Variants in CSN3 observed in about 807,000 individuals in gnomAD.
CSN3 encodes the protein kappa-casein.
In CSN3, 7 loss-of-function variants were observed where a neutral mutation model predicts 9.9. The ratio of observed to expected loss-of-function variants is 0.71; its 90% CI spans 0.40 to 1.33. CSN3 has a LOEUF of 1.33. CSN3 is among the 40% of genes most tolerant of loss of function. The pLI, the probability that CSN3 is intolerant of heterozygous loss-of-function variation, is 0.01. For missense variants in CSN3, 253 were observed against 227.9 expected (o/e 1.11, Z -0.71); for synonymous variants, 88 against 82.3 (o/e 1.07, Z -0.37).
chr4:70,238,456 G>C (rs1011515730), upstream of CSN3, among the ~76,000 whole-genome samples: 2 of 151,826 alleles, frequency 1.3e-5, no homozygotes, highest in African/African-American at 2.4e-5. Context: ...AGAAGTTAAG[G>C]TAAGATGGAT....
intron 4 of CSN3, among the ~76,000 whole-genome samples, chr4:70,249,916 T>C (rs908391195): frequency 6.6e-6 from 1 of 152,228 alleles, no homozygotes; most frequent in Non-Finnish European, 1.5e-5. Flanking sequence ...GTAACAATTC[T>C]CTTGCACTCT....
chr4:70,246,845 T>C (rs1730387793), intron 2 of CSN3, among the ~76,000 whole-genome samples: 2 of 151,984 alleles, frequency 1.3e-5, no homozygotes, highest in South Asian at 4.2e-4. Flanking sequence ...CTAATTTTTG[T>C]ATTTTTAGTA....
At chr4:70,250,662 T>A (rs1730465535) in intron 4 of CSN3, among the ~76,000 whole-genome samples, 1 of 152,194 alleles carries the variant, frequency 6.6e-6, no homozygotes, top group Non-Finnish European at 1.5e-5. Context: ...ATATTATTCC[T>A]ATCTCAAATT....
upstream of CSN3, among the ~76,000 whole-genome samples, chr4:70,239,218 G>T (rs58378749): frequency 6.6e-6 from 1 of 151,330 alleles, no homozygotes; most frequent in African/African-American, 2.4e-5. Flanking sequence ...AGTGACTCGA[G>T]GGGGAAAAAA....
chr4:70,250,490 A>G (rs1421230244), intron 4 of CSN3, among the ~76,000 whole-genome samples: 1 of 152,094 alleles, frequency 6.6e-6, no homozygotes, highest in Non-Finnish European at 1.5e-5. Flanking sequence ...GACTCAAGAG[A>G]GAATGCACAT....
At chr4:70,247,766 T>C (rs1049005921) in intron 2 of CSN3, 52 bp from the exon 3 acceptor site, 60 of 1,461,650 alleles carry the variant, frequency 4.1e-5, no homozygotes, top group East Asian at 1.6e-4. Context: ...TAAGTACTTT[T>C]TTTTTCTTTT....
At chr4:70,240,657 C>T (rs1730256236), upstream of CSN3, among the ~76,000 whole-genome samples, 1 of 151,982 alleles carries the variant, frequency 6.6e-6, no homozygotes, top group African/African-American at 2.4e-5. Flanking sequence ...AAAACACTTT[C>T]ACTAAGGTTG....
chr4:70,248,245 C>T (rs567054071), intron 3 of CSN3, among the ~76,000 whole-genome samples: 1 of 152,102 alleles, frequency 6.6e-6, no homozygotes, highest in Non-Finnish European at 1.5e-5. Flanking sequence ...TATTTACTTC[C>T]CCTTTCGTTT....
upstream of CSN3, among the ~76,000 whole-genome samples, chr4:70,238,500 A>G (rs777794): frequency 0.89 from 135,504 of 151,914 alleles, 60,515 homozygotes; most frequent in Middle Eastern, 0.95. Flanking sequence ...AACAGTCCCT[A>G]GCAAAAAGTT....
Position 70,248,985 on chromosome 4 carries a change from A to G in CSN3, c.88-13A>G. The G allele has an allele frequency of 1.3e-6, 2 of 1,524,914 alleles. No individual in the cohort carries two copies. Among genetic ancestry groups the G allele is most frequent in the Non-Finnish European group, 1.8e-6 (2 of 1,131,830 alleles). The allele number at this position is 1,524,914 out of a possible 1,614,324, so 94.5% of individuals were successfully genotyped here. On this transcript the variant is annotated splice_polypyrimidine_tract_variant and intron_variant, in intron 3 of 4. Coordinates refer to ENST00000304954, the Ensembl canonical transcript of CSN3. ...ATAATAATAATATTCTGTATAATTT[A>G]TTTTTTTTGCAGTGCCATGAGAATG...
At chr4:70,244,105 G>A (rs1730325622) in intron 1 of CSN3, among the ~76,000 whole-genome samples, 1 of 152,028 alleles carries the variant, frequency 6.6e-6, no homozygotes, top group African/African-American at 2.4e-5. Flanking sequence ...ATAAGGCCTG[G>A]TCTAGAATTC....
chr4:70,239,098 G>A (rs1305398773), upstream of CSN3, among the ~76,000 whole-genome samples: 1 of 151,664 alleles, frequency 6.6e-6, no homozygotes, highest in Non-Finnish European at 1.5e-5. Context: ...AAAGATAGAG[G>A]GAGAAAAGAT....
intron 1 of CSN3, chr4:70,243,326 T>C: frequency 5.4e-6 from 1 of 186,354 alleles, no homozygotes; most frequent in Non-Finnish European, 1.0e-5. Context: ...ATAAAAACAT[T>C]TTCAGTCTAT....
chr4:70,249,557 T>C, intron 4 of CSN3, 64 bp downstream of exon 4: 1 of 957,962 alleles, frequency 1.0e-6, no homozygotes, highest in Non-Finnish European at 1.5e-6. Context: ...AATACAACCA[T>C]AAATTCTAAA....
chr4:70,247,787 T>C (rs773638196), intron 2 of CSN3, 31 bp from the exon 3 acceptor site: 2 of 1,568,362 alleles, frequency 1.3e-6, no homozygotes, highest in Admixed American at 3.9e-5. Context: ...TTAACTTATT[T>C]CTCATTATTT....
intron 1 of CSN3, 41 bp from the exon 2 acceptor site, chr4:70,244,771 C>T (rs41292331): frequency 0.13 from 166,557 of 1,246,358 alleles, 12,942 homozygotes; most frequent in East Asian, 0.31. Context: ...TTTCTAGTAA[C>T]AAATTCTTTT....
chr4:70,249,243 A>C (rs771545281), exon 4 of CSN3: 1 of 1,614,112 alleles, frequency 6.2e-7, no homozygotes, highest in Non-Finnish European at 8.5e-7. Context: ...TACGTCGCCC[A>C]AACCTGCATC....
At chr4:70,249,228 T>G in exon 4 of CSN3, 2 of 1,614,070 alleles carry the variant, frequency 1.2e-6, no homozygotes, top group Non-Finnish European at 1.7e-6. Context: ...ACCCACCCAC[T>G]GTGGTACGTC....
At chr4:70,239,264 A>G (rs561642149), upstream of CSN3, among the ~76,000 whole-genome samples, 1 of 152,006 alleles carries the variant, frequency 6.6e-6, no homozygotes, top group East Asian at 1.9e-4. Context: ...ACCAGCCAGA[A>G]AAATGAATCA....
Sources: gnomAD v4.1 joint callset for allele counts (sites outside exome capture counted in the v4.1 genomes callset) on GRCh38, gnomAD v4.1.1 for gene constraint, MANE v1.5 for transcripts, NCBI Gene and HGNC (gene_info 2026-07-23, HGNC 2026-07-21) for gene names.